The following TAFA5 variants were observed in gnomAD, a reference collection of about 807,000 sequenced individuals.
TAFA5 encodes the protein chemokine-like protein TAFA-5.
TAFA5 carries 6 observed loss-of-function variants against 15.3 expected under a neutral mutation model. The ratio of observed to expected loss-of-function variants is 0.39; its 90% CI spans 0.21 to 0.77. TAFA5 has a LOEUF of 0.77. Among genes scored for constraint, TAFA5 ranks in the 30% least tolerant of loss-of-function variants. TAFA5 has a pLI of 0.41. For missense variants in TAFA5, 161 were observed against 193.1 expected, an observed-to-expected ratio of 0.83 and a Z score of 0.98; for synonymous variants, 103 against 80.7, an observed-to-expected ratio of 1.28 and a Z score of -1.48.
intron 1 of TAFA5, among the ~76,000 whole-genome samples, chr22:48,509,170 C>G (rs573983884): frequency 4.6e-5 from 7 of 152,234 alleles, no homozygotes; most frequent in Non-Finnish European, 1.0e-4. Context: ...GAATACTACT[C>G]CAGTGTGTGT....
chr22:48,751,316 C>T lies in TAFA5; in HGVS notation c.*1469C>T, dbSNP rs1379590508. The T allele has an allele frequency of 6.6e-6, 1 of 152,460 alleles. No individual in the cohort carries two copies. The highest frequency in any genetic ancestry group is 1.5e-5 in the Non-Finnish European group (1 of 68,046). 9.4% of individuals were successfully genotyped at this position (152,460 alleles called of 1,614,324 possible). A position where few individuals can be genotyped will look rare whatever the true frequency, so the allele number is the denominator to read the frequency against. On this transcript the variant is annotated 3_prime_UTR_variant, in exon 4 of 4. Coordinates refer to ENST00000402357, the MANE Select transcript of TAFA5 (RefSeq NM_001082967.3). The stretch of plus-strand genomic sequence containing the variant: ...TCGTGTCACTAGGTCCAGAAAGTCG[C>T]GCCGGGCAGAGGCGCAGGCGGGGCC...
intron 1 of TAFA5, among the ~76,000 whole-genome samples, chr22:48,638,766 C>T (rs2147196102): frequency 7.9e-6 from 1 of 125,880 alleles, no homozygotes; most frequent in East Asian, 2.4e-4. Flanking sequence ...AGGCGGGACC[C>T]CCCCCATCCC....
chr22:48,662,046 G>T (rs929009999), intron 2 of TAFA5, among the ~76,000 whole-genome samples: 5 of 151,778 alleles, frequency 3.3e-5, no homozygotes, highest in Non-Finnish European at 7.4e-5. Context: ...TCATTGGGGT[G>T]CCCACTTTGG....
At chr22:48,721,255 T>C (rs1929560715) in intron 3 of TAFA5, among the ~76,000 whole-genome samples, 1 of 152,234 alleles carries the variant, frequency 6.6e-6, no homozygotes, top group African/African-American at 2.4e-5. Flanking sequence ...CTGGCCATTC[T>C]AGAGCAGCCT....
In TAFA5 at chr22:48,564,945, G is replaced by A. The variant is rs77281133; in HGVS notation, c.112+75241G>A. ...AGGTGCAGAAGCTGCAGCTGGGAGAGTTGTAAGCTGGCATCTCCATCCATG... is the reference window on the plus strand; with the variant it reads ...AGGTGCAGAAGCTGCAGCTGGGAGAATTGTAAGCTGGCATCTCCATCCATG... On this transcript the variant is annotated intron_variant, in intron 1 of 3. Coordinates refer to ENST00000402357, the MANE Select transcript of TAFA5 (RefSeq NM_001082967.3). Among the ~76,000 whole-genome samples the A allele has an allele frequency of 9.6e-4, 147 of 152,356 alleles. 1 individual carries two copies. The East Asian group carries it at 0.017, about 17-fold the overall frequency.
chr22:48,699,535 G>A (rs182153513), intron 2 of TAFA5, among the ~76,000 whole-genome samples: 37 of 152,252 alleles, frequency 2.4e-4, no homozygotes, highest in Admixed American at 9.8e-4. Flanking sequence ...CCCGCGTTCC[G>A]TTCAGTGAGC....
At chr22:48,627,221 C>T (rs2147186470) in intron 1 of TAFA5, among the ~76,000 whole-genome samples, 1 of 152,370 alleles carries the variant, frequency 6.6e-6, no homozygotes, top group Middle Eastern at 3.4e-3. Flanking sequence ...TCAGTCTTTT[C>T]TGTACCATCC....
At chr22:48,618,581 A>C (rs1030170314) in intron 1 of TAFA5, among the ~76,000 whole-genome samples, 1 of 152,194 alleles carries the variant, frequency 6.6e-6, no homozygotes, top group Admixed American at 6.5e-5. Flanking sequence ...GAAGTCCTGG[A>C]GGCAGCGTGC....
chr22:48,694,647 CCGGGCAGTGCCTCATCTGATGTTCTCTG>C (rs1928645648), intron 2 of TAFA5, among the ~76,000 whole-genome samples: 1 of 152,122 alleles, frequency 6.6e-6, no homozygotes. Flanking sequence ...GGTACTGCTC[CCGGGCAGTGCCTCATCTGATGTTCTCTG>C]TGTCCCCGGG....
chr22:48,576,616 G>C (rs774433099), intron 1 of TAFA5: 132 of 1,330,646 alleles, frequency 9.9e-5, no homozygotes, highest in Admixed American at 3.1e-5. Flanking sequence ...CGCTCTGCCC[G>C]GCTCGCGGCG....
chr22:48,510,909 G>A (rs570803543), intron 1 of TAFA5, among the ~76,000 whole-genome samples: 1 of 152,356 alleles, frequency 6.6e-6, no homozygotes, highest in South Asian at 2.1e-4. Flanking sequence ...TAAAGAAATG[G>A]GTTTTAGTTG....
chr22:48,567,353 G>C (rs1028221675), intron 1 of TAFA5, among the ~76,000 whole-genome samples: 1 of 152,190 alleles, frequency 6.6e-6, no homozygotes, highest in Non-Finnish European at 1.5e-5. Flanking sequence ...CCCAGGCTGA[G>C]TGCTTTCCTC....
intron 2 of TAFA5, among the ~76,000 whole-genome samples, chr22:48,674,618 C>T (rs1009049196): frequency 1.3e-5 from 2 of 152,164 alleles, no homozygotes; most frequent in Non-Finnish European, 2.9e-5. Flanking sequence ...CATCTGGGCC[C>T]TAGTGACTGC....
At chr22:48,693,359 G>A (rs1219889828) in intron 2 of TAFA5, 1 of 1,612,576 alleles carries the variant, frequency 6.2e-7, no homozygotes, top group South Asian at 1.1e-5. Flanking sequence ...CACCCGAAAT[G>A]TACCACCACC....
chr22:48,638,234 G>T (rs1275391030), intron 1 of TAFA5, among the ~76,000 whole-genome samples: 3 of 151,896 alleles, frequency 2.0e-5, no homozygotes, highest in African/African-American at 7.3e-5. Context: ...ACGTGTCTTA[G>T]ACCCCCGACA....
chr22:48,727,901 A>G (rs571853723), intron 3 of TAFA5, among the ~76,000 whole-genome samples: 2 of 152,362 alleles, frequency 1.3e-5, no homozygotes, highest in East Asian at 3.9e-4. Context: ...ATCATTATGC[A>G]CTGATTAGCA....
chr22:48,582,661 C>G (rs1285820816), intron 1 of TAFA5, among the ~76,000 whole-genome samples: 1 of 150,614 alleles, frequency 6.6e-6, no homozygotes, highest in Non-Finnish European at 1.5e-5. Context: ...ACACACCACA[C>G]ACAAAATACA....
intron 1 of TAFA5, among the ~76,000 whole-genome samples, chr22:48,542,599 ATG>A (rs1264878925): frequency 0.2 from 8,414 of 41,516 alleles, 501 homozygotes; most frequent in Middle Eastern, 0.27. Context: ...TGTGGTGTGT[ATG>A]TGTGTGTGGT....
intron 1 of TAFA5, among the ~76,000 whole-genome samples, chr22:48,548,146 G>A (rs1052496654): frequency 3.3e-5 from 5 of 152,198 alleles, no homozygotes; most frequent in Non-Finnish European, 7.3e-5. Flanking sequence ...GTGCCTGATG[G>A]GGATCTGGCC....
Sources: allele counts gnomAD v4.1 joint callset (sites outside exome capture counted in the v4.1 genomes callset), GRCh38; gene constraint gnomAD v4.1.1; transcripts MANE v1.5; gene names NCBI Gene and HGNC (gene_info 2026-07-23, HGNC 2026-07-21).